RAB21: variants seen among roughly 807,000 people sequenced by gnomAD.
RAB21 encodes the protein ras-related protein Rab-21.
A neutral mutation model predicts 33.1 loss-of-function variants in RAB21; 13 were observed. The observed-to-expected ratio is 0.39, with a 90% CI of 0.26 to 0.62. The LOEUF (loss-of-function observed/expected upper bound fraction) is 0.62, where lower values mean the gene tolerates loss of function less well. RAB21 is among the 20% of genes least tolerant of loss of function. The pLI is 0.48. For synonymous variants in RAB21, 91 were observed against 103.7 expected (o/e 0.88, Z 0.74); for missense variants, 234 against 279.1 (o/e 0.84, Z 1.15).
chr12:71,769,848 C>A lies in RAB21; in HGVS notation c.208C>A (p.Leu70Ile). The A allele has an allele frequency of 1.5e-6, 2 of 1,374,918 alleles. No homozygotes were observed. The highest frequency in any genetic ancestry group is 1.9e-4 in the Middle Eastern group (1 of 5,242). The allele number at this position is 1,374,918 out of a possible 1,614,324, so 85.2% of individuals were successfully genotyped here. The change falls in exon 2 of 7, where the codon CTT (leucine) becomes ATT (isoleucine). Residue 70 changes from leucine to isoleucine, a missense_variant. Transcript: ENST00000261263. ...KLNIGGKRVN[L>I]AIWDTAGQER... ...AAATATTGGTGGGAAAAGAGTAAACCTTGCCATATGGGTAAGTGAACTTTT... is the reference window on the plus strand; with the variant it reads ...AAATATTGGTGGGAAAAGAGTAAACATTGCCATATGGGTAAGTGAACTTTT...
In RAB21 at chr12:71,795,364, A is replaced by G. The variant is rs1471107467; in HGVS notation, c.*9691A>G. The G allele has an allele frequency of 2.0e-5, 3 of 152,068 alleles. No individual in the cohort carries two copies. Among genetic ancestry groups the G allele is most frequent in the Admixed American group, 1.3e-4 (2 of 15,282 alleles). 9.4% of individuals were successfully genotyped at this position (152,068 alleles called of 1,614,324 possible). On this transcript the variant is annotated 3_prime_UTR_variant, in exon 7 of 7. Coordinates refer to ENST00000261263, the MANE Select transcript of RAB21 (RefSeq NM_014999.4). ...ACAAAACAAAACAGAACAAAACCTT[A>G]TATTTAATAAAATGGAGAAATTTGG...
Position 71,781,266 on chromosome 12 carries a change from G to A in RAB21, c.392-765G>A, listed in dbSNP as rs868496198. Among the ~76,000 whole-genome samples the A allele has an allele frequency of 4.5e-4, 69 of 152,112 alleles. 1 individual carries two copies. Among genetic ancestry groups the A allele is most frequent in the African/African-American group, 1.5e-3 (61 of 41,512 alleles). On this transcript the variant is annotated intron_variant, in intron 4 of 6. Coordinates refer to ENST00000261263, the MANE Select transcript of RAB21 (RefSeq NM_014999.4). ...AGGCGGATCACGAGGTCAGGAGTTC[G>A]AGACCATCCTGGCTAACACAGTGAA... is the stretch of plus-strand genomic sequence containing the variant.
intron 3 of RAB21, among the ~76,000 whole-genome samples, chr12:71,772,347 A>G (rs919396004): frequency 1.3e-5 from 2 of 152,224 alleles, no homozygotes; most frequent in African/African-American, 4.8e-5. Flanking sequence ...AGGCCTTCTT[A>G]AGACTTAAGT....
At chr12:71,755,935 A>G (rs1197706284) in intron 1 of RAB21, among the ~76,000 whole-genome samples, 2 of 152,180 alleles carry the variant, frequency 1.3e-5, no homozygotes, top group East Asian at 1.9e-4. Flanking sequence ...TCCCCAGACT[A>G]AAAGCCGCTG....
At chr12:71,783,404 T>C (rs1347582445) in intron 6 of RAB21, among the ~76,000 whole-genome samples, 1 of 151,852 alleles carries the variant, frequency 6.6e-6, no homozygotes, top group Non-Finnish European at 1.5e-5. Context: ...TTTTGAGAAT[T>C]TGATGAAATC....
intron 1 of RAB21, among the ~76,000 whole-genome samples, chr12:71,769,031 T>C (rs1408624850): frequency 6.6e-6 from 1 of 152,208 alleles, no homozygotes; most frequent in Non-Finnish European, 1.5e-5. Context: ...ATCTCTGGTA[T>C]TGACCATACC....
rs202120727 is a variant in RAB21, at chr12:71,792,046, GT to G, written c.*6381del. The G allele has an allele frequency of 2.0e-5, 3 of 151,556 alleles. No individual in the cohort carries two copies. Among genetic ancestry groups the G allele is most frequent in the Non-Finnish European group, 2.9e-5 (2 of 67,868 alleles). The allele number at this position is 151,556 out of a possible 1,614,324, so 9.4% of individuals were successfully genotyped here. On this transcript the variant is annotated 3_prime_UTR_variant, in exon 7 of 7. Transcript: ENST00000261263. ...CCACCCACGCCTGGCTAATTGTTTT[GT>G]TTTTTTTGTGGAGATGGCTCTCACT...
intron 1 of RAB21, among the ~76,000 whole-genome samples, chr12:71,758,841 T>C (rs1265797587): frequency 6.6e-6 from 1 of 152,214 alleles, no homozygotes; most frequent in Non-Finnish European, 1.5e-5. Flanking sequence ...TAAAGTGTGA[T>C]TCCTTGAGCT....
chr12:71,782,288 G>T (rs929360658), intron 5 of RAB21: 1 of 570,310 alleles, frequency 1.8e-6, no homozygotes. Context: ...TGAAAAATAC[G>T]AGTGATATAA....
chr12:71,756,250 C>T (rs1041123214), intron 1 of RAB21, among the ~76,000 whole-genome samples: 1 of 152,164 alleles, frequency 6.6e-6, no homozygotes, highest in African/African-American at 2.4e-5. Flanking sequence ...GTTACTTAAC[C>T]TGTCTGTGCC....
chr12:71,757,625 A>G (rs966730680), intron 1 of RAB21, among the ~76,000 whole-genome samples: 1 of 152,216 alleles, frequency 6.6e-6, no homozygotes, highest in African/African-American at 2.4e-5. Context: ...CAATGTGTCT[A>G]ATCTCTTTCA....
At chr12:71,785,482 A>AG in intron 6 of RAB21, 49 bp from the exon 7 acceptor site, 2 of 1,592,810 alleles carry the variant, frequency 1.3e-6, no homozygotes, top group Non-Finnish European at 1.7e-6. Context: ...TAGAAAGAGA[A>AG]AACACAAATA....
rs1883390847 is a variant in RAB21, at chr12:71,791,926, A to G, written c.*6253A>G. ...GCCGCACAGACTAGAATGCAGTAGC[A>G]TGATCATAGCTCATTGCAGCCTCAA... On this transcript the variant is annotated 3_prime_UTR_variant, in exon 7 of 7. Coordinates refer to ENST00000261263, the MANE Select transcript of RAB21 (RefSeq NM_014999.4). 6.6e-6 allele frequency: 1 copy of G among 152,158 alleles called. No homozygotes were observed. Among genetic ancestry groups the G allele is most frequent in the Non-Finnish European group, 1.5e-5 (1 of 68,046 alleles). The allele number at this position is 152,158 out of a possible 1,614,324, so 9.4% of individuals were successfully genotyped here. A position where few individuals can be genotyped will look rare whatever the true frequency, so the allele number is the denominator to read the frequency against.
rs1883415209 is a variant in RAB21, at chr12:71,793,398, A to G, written c.*7725A>G. 1 of 152,200 alleles carries G rather than the reference A, an allele frequency of 6.6e-6. No individual in the cohort carries two copies. The highest frequency in any genetic ancestry group is 1.5e-5 in the Non-Finnish European group (1 of 68,038). The allele number at this position is 152,200 out of a possible 1,614,324, so 9.4% of individuals were successfully genotyped here. A position where few individuals can be genotyped will look rare whatever the true frequency, so the allele number is the denominator to read the frequency against. On this transcript the variant is annotated 3_prime_UTR_variant, in exon 7 of 7. Transcript: ENST00000261263. Reference sequence around the variant, plus strand: ...ACAGGTCAGAAAGATGGTTTAATGAATATGAATTTTCTAAACATCTTTTCA... The same window carrying G: ...ACAGGTCAGAAAGATGGTTTAATGAGTATGAATTTTCTAAACATCTTTTCA...
At chr12:71,770,357 G>C (rs1883024703) in intron 2 of RAB21, among the ~76,000 whole-genome samples, 1 of 152,142 alleles carries the variant, frequency 6.6e-6, no homozygotes, top group South Asian at 2.1e-4. Flanking sequence ...TGCTGAGGAG[G>C]AGGAAGGTTG....
Position 71,787,787 on chromosome 12 carries a change from G to A in RAB21, c.*2114G>A, listed in dbSNP as rs1190986649. ...AGCTAAAATTGTCTTCTTTTATGGG[G>A]TAATTGTACTCTGTAGTCTCTTGGT... On this transcript the variant is annotated 3_prime_UTR_variant, in exon 7 of 7. Coordinates refer to ENST00000261263, the MANE Select transcript of RAB21 (RefSeq NM_014999.4). 2.0e-5 allele frequency: 3 copies of A among 152,054 alleles called. No individual in the cohort carries two copies. The allele number at this position is 152,054 out of a possible 1,614,324, so 9.4% of individuals were successfully genotyped here. A position where few individuals can be genotyped will look rare whatever the true frequency, so the allele number is the denominator to read the frequency against.
rs190303725 is a variant in RAB21, at chr12:71,781,345, T to C, written c.392-686T>C. 3.0e-3 allele frequency among the ~76,000 whole-genome samples: 450 copies of C among 151,680 alleles called. 2 individuals carry two copies. The highest frequency in any genetic ancestry group is 0.01 in the African/African-American group (420 of 41,400). Reference sequence around the variant, plus strand: ...TTAGCCAGGCGTGGTGGCAGGCACCTGTAGTCCCAGCTACTCAGGAGGCTG... The same window carrying C: ...TTAGCCAGGCGTGGTGGCAGGCACCCGTAGTCCCAGCTACTCAGGAGGCTG... On this transcript the variant is annotated intron_variant, in intron 4 of 6. Transcript: ENST00000261263.
In RAB21 at chr12:71,782,558, C is replaced by A; in HGVS notation, c.447-12C>A. 1 of 1,543,140 alleles carries A rather than the reference C, an allele frequency of 6.5e-7. No individual in the cohort carries two copies. Among genetic ancestry groups the A allele is most frequent in the Non-Finnish European group, 8.8e-7 (1 of 1,133,244 alleles). On this transcript the variant is annotated splice_polypyrimidine_tract_variant and intron_variant, in intron 5 of 6. Coordinates refer to ENST00000261263, the MANE Select transcript of RAB21 (RefSeq NM_014999.4). ...TATTTTACATCAATCACCGATGTTA[C>A]TTTTTTTTAAGGTATGCAGAATCTG...
At chr12:71,781,688 C>T (rs1229523179) in intron 4 of RAB21, among the ~76,000 whole-genome samples, 1 of 152,130 alleles carries the variant, frequency 6.6e-6, no homozygotes, top group East Asian at 1.9e-4. Context: ...TTTGCTCTTA[C>T]TTTTGATCAT....
Sources: gnomAD v4.1 joint callset for allele counts (sites outside exome capture counted in the v4.1 genomes callset) on GRCh38, gnomAD v4.1.1 for gene constraint, MANE v1.5 for transcripts, NCBI Gene and HGNC (gene_info 2026-07-23, HGNC 2026-07-21) for gene names.